The following SHISAL2A variants were observed in gnomAD, a reference collection of about 807,000 sequenced individuals.
SHISAL2A encodes shisa like 2A.
Under a neutral mutation model 11.5 loss-of-function variants are expected in SHISAL2A, and 18 were observed. That is an observed-to-expected ratio of 1.57 (90% CI 1.08 to 2.33). The LOEUF (loss-of-function observed/expected upper bound fraction) is 2.33, where lower values mean the gene tolerates loss of function less well. SHISAL2A is among the 30% of genes most tolerant of loss of function. The pLI is 0.00. For synonymous variants in SHISAL2A, 94 were observed against 99.6 expected, an observed-to-expected ratio of 0.94 and a Z score of 0.34; for missense variants, 261 against 250.9, an observed-to-expected ratio of 1.04 and a Z score of -0.27.
chr1:52,664,748 G>A (rs1033125115), intron 4 of SHISAL2A, among the ~76,000 whole-genome samples: 13 of 152,024 alleles, frequency 8.6e-5, no homozygotes, highest in African/African-American at 3.1e-4. Flanking sequence ...CGCCTGCCTC[G>A]GCCTCCCAAA....
At chr1:52,659,042 G>T (rs758132781), downstream of SHISAL2A, among the ~76,000 whole-genome samples, 15 of 95,408 alleles carry the variant, frequency 1.6e-4, no homozygotes, top group East Asian at 6.9e-4. Flanking sequence ...GGTGGTGGTG[G>T]TGTGTGTGTG....
At chr1:52,650,686 C>A (rs2149885644) in intron 2 of SHISAL2A, among the ~76,000 whole-genome samples, 1 of 145,542 alleles carries the variant, frequency 6.9e-6, no homozygotes, top group Non-Finnish European at 1.5e-5. Context: ...CCTCTGTTAC[C>A]CAGGCTGGAG....
At chr1:52,633,081 C>T (rs1436411734), upstream of SHISAL2A, among the ~76,000 whole-genome samples, 1 of 152,208 alleles carries the variant, frequency 6.6e-6, no homozygotes, top group Admixed American at 6.5e-5. The surrounding 1 kb of genome is among the most constrained non-coding windows in gnomAD (Gnocchi z 6.4). Context: ...CGCCCCGCCA[C>T]TCTGGCCGCG....
At position 52,633,701 on chromosome 1, in the gene SHISAL2A, C is replaced by G; in HGVS notation, c.182+26C>G. ...GTACCGTCCCTGGCCCTCACCCTAC[C>G]TTGAACCCCACTCCAGTCTCAGCGC... On this transcript the variant is annotated intron_variant, in intron 1 of 2. Coordinates refer to ENST00000517870, the MANE Select transcript of SHISAL2A (RefSeq NM_001042693.3). This position sits in a 1 kb window ranked among gnomAD's most constrained non-coding sequence, Gnocchi z 6.4. 6.3e-7 allele frequency: 1 copy of G among 1,579,714 alleles called. No homozygotes were observed.
At chr1:52,667,185 A>G (rs1558097194) in intron 4 of SHISAL2A, among the ~76,000 whole-genome samples, 1 of 152,250 alleles carries the variant, frequency 6.6e-6, no homozygotes, top group African/African-American at 2.4e-5. Context: ...TTACAGGTGA[A>G]GAGACTGAGG....
At chr1:52,665,081 ACCAC>A (rs1423535691) in intron 4 of SHISAL2A, among the ~76,000 whole-genome samples, 1 of 152,260 alleles carries the variant, frequency 6.6e-6, no homozygotes, top group East Asian at 1.9e-4. Flanking sequence ...AAGGTATAAT[ACCAC>A]CCACCCCTAT....
intron 2 of SHISAL2A, among the ~76,000 whole-genome samples, chr1:52,644,948 C>T (rs1211177637): frequency 2.7e-5 from 4 of 149,212 alleles, no homozygotes; most frequent in African/African-American, 9.9e-5. Context: ...ACCCGGGAGG[C>T]GGAGCTTGCA....
downstream of SHISAL2A, among the ~76,000 whole-genome samples, chr1:52,658,047 T>G (rs1691833928): frequency 6.7e-6 from 1 of 149,442 alleles, no homozygotes; most frequent in Admixed American, 6.7e-5. Flanking sequence ...TAGAAGACTT[T>G]TTTTTTTTTT....
intron 2 of SHISAL2A, among the ~76,000 whole-genome samples, chr1:52,646,088 C>G (rs1195409725): frequency 1.3e-5 from 2 of 152,154 alleles, no homozygotes; most frequent in Admixed American, 6.6e-5. Context: ...CAAATTTGTT[C>G]CCCTAGGACA....
chr1:52,658,992 T>G (rs1691852094), downstream of SHISAL2A, among the ~76,000 whole-genome samples: 2 of 152,138 alleles, frequency 1.3e-5, no homozygotes, highest in Admixed American at 6.5e-5. Flanking sequence ...CAAGAGATTT[T>G]GGTTCTGGTC....
intron 2 of SHISAL2A, among the ~76,000 whole-genome samples, chr1:52,643,656 C>T (rs1308226391): frequency 1.3e-5 from 2 of 152,138 alleles, no homozygotes; most frequent in Non-Finnish European, 2.9e-5. Context: ...AGTTCAAGAC[C>T]AGCATGACCA....
downstream of SHISAL2A, among the ~76,000 whole-genome samples, chr1:52,657,966 C>T (rs1691827149): frequency 6.6e-6 from 1 of 152,206 alleles, no homozygotes; most frequent in Non-Finnish European, 1.5e-5. Flanking sequence ...GAGCCTCAGT[C>T]CCCTTGCTGG....
exon 6 of SHISAL2A, chr1:52,669,656 ACT>A (rs1692073025): frequency 7.2e-6 from 1 of 137,956 alleles, no homozygotes; most frequent in Non-Finnish European, 1.5e-5. Context: ...ACAGAGCGAG[ACT>A]CTGTCTCAAA....
chr1:52,648,824 G>A (rs1455991531), intron 2 of SHISAL2A, among the ~76,000 whole-genome samples: 4 of 151,962 alleles, frequency 2.6e-5, no homozygotes, highest in African/African-American at 9.7e-5. Flanking sequence ...TGTGCTCCTA[G>A]TCTCACCCCA....
intron 2 of SHISAL2A, among the ~76,000 whole-genome samples, chr1:52,651,454 G>A (rs893164194): frequency 9.2e-5 from 14 of 152,030 alleles, no homozygotes; most frequent in Non-Finnish European, 1.8e-4. Flanking sequence ...CCAGAGGCTG[G>A]TCTTGAACTC....
downstream of SHISAL2A, among the ~76,000 whole-genome samples, chr1:52,657,895 T>C (rs888713488): frequency 6.6e-5 from 10 of 152,194 alleles, no homozygotes; most frequent in African/African-American, 2.4e-4. Context: ...TCAGACTGAA[T>C]ACAGGCTCCA....
chr1:52,636,763 G>A (rs1691244251), intron 1 of SHISAL2A, among the ~76,000 whole-genome samples: 1 of 152,158 alleles, frequency 6.6e-6, no homozygotes, highest in South Asian at 2.1e-4. Flanking sequence ...TACTATCTGG[G>A]AGTGTCCCAG....
At chr1:52,644,572 A>G (rs1691451016) in intron 2 of SHISAL2A, among the ~76,000 whole-genome samples, 2 of 152,098 alleles carry the variant, frequency 1.3e-5, no homozygotes, top group Admixed American at 1.3e-4. Context: ...TAAAAATACA[A>G]AATTAGCTGG....
At position 52,662,112 on chromosome 1, in the gene SHISAL2A, G is replaced by A. The variant is rs76029800; in HGVS notation, n.695+2532G>A. On this transcript the variant is annotated intron_variant and non_coding_transcript_variant, in intron 4 of 5. Coordinates refer to the SHISAL2A transcript ENST00000401050. ...TAGAGATGAAGAGTAGGTTTGACCC[G>A]TGAAACCCCTAGAGAACAGTCAGAG... is the stretch of plus-strand genomic sequence containing the variant. 6.9e-3 allele frequency among the ~76,000 whole-genome samples: 1,045 copies of A among 152,138 alleles called. 11 individuals are homozygous for A. Among genetic ancestry groups the A allele is most frequent in the African/African-American group, 0.023 (939 of 41,512 alleles).
Sources: gnomAD v4.1 joint callset for allele counts (sites outside exome capture counted in the v4.1 genomes callset) on GRCh38, gnomAD v4.1.1 for gene constraint, Gnocchi (gnomAD v3.1) non-coding constraint, MANE v1.5 for transcripts, NCBI Gene and HGNC (gene_info 2026-07-23, HGNC 2026-07-21) for gene names.